Variants in ADGRB3 observed in about 807,000 individuals in gnomAD.
ADGRB3 encodes the protein brain-specific angiogenesis inhibitor 3.
In ADGRB3, 37 loss-of-function variants were observed where a neutral mutation model predicts 193.4. That is an observed-to-expected ratio of 0.19 (90% confidence interval 0.15 to 0.25). The LOEUF (loss-of-function observed/expected upper bound fraction) is 0.25, where lower values mean the gene tolerates loss of function less well. Ranked by LOEUF, ADGRB3 falls within the 10% of genes least tolerant of loss-of-function variation. ADGRB3 has a pLI of 1.00. For missense variants in ADGRB3, 1,637 were observed against 1,852.9 expected (o/e 0.88, Z 2.14); for synonymous variants, 690 against 644.2 (o/e 1.07, Z -1.08).
intron 15 of ADGRB3, among the ~76,000 whole-genome samples, chr6:69,058,928 T>C (rs965463893): frequency 1.3e-5 from 2 of 152,118 alleles, no homozygotes; most frequent in African/African-American, 4.8e-5. Context: ...GCTGTTGTTG[T>C]ATGGAGTGTT....
intron 3 of ADGRB3, among the ~76,000 whole-genome samples, chr6:68,670,484 A>C (rs1768925407): frequency 6.6e-6 from 1 of 151,950 alleles, no homozygotes; most frequent in South Asian, 2.1e-4. Context: ...TGTTCTGCAT[A>C]TGGATATCCA....
At chr6:68,724,530 T>G (rs191368111) in intron 3 of ADGRB3, among the ~76,000 whole-genome samples, 2 of 151,662 alleles carry the variant, frequency 1.3e-5, no homozygotes, top group Admixed American at 6.6e-5. Context: ...GCCCACAAAA[T>G]TTGTATTAGA....
intron 3 of ADGRB3, among the ~76,000 whole-genome samples, chr6:68,756,963 T>C (rs369877456): frequency 6.6e-6 from 1 of 152,148 alleles, no homozygotes; most frequent in South Asian, 2.1e-4. Context: ...GTGGCACTCC[T>C]TCACTTCCTC....
chr6:68,689,093 A>G (rs561488120), intron 3 of ADGRB3, among the ~76,000 whole-genome samples: 2 of 152,242 alleles, frequency 1.3e-5, no homozygotes, highest in East Asian at 3.9e-4. Flanking sequence ...AGGACCTTTT[A>G]CAGAGGTATG....
chr6:68,929,901 A>G (rs1190168564), intron 3 of ADGRB3, among the ~76,000 whole-genome samples: 2 of 152,026 alleles, frequency 1.3e-5, no homozygotes, highest in Non-Finnish European at 2.9e-5. Flanking sequence ...GCTAGAAACA[A>G]TAAATTTTAT....
At chr6:69,145,653 A>G (rs970769511) in intron 17 of ADGRB3, among the ~76,000 whole-genome samples, 1 of 152,062 alleles carries the variant, frequency 6.6e-6, no homozygotes, top group Non-Finnish European at 1.5e-5. Context: ...AGAAAGATGA[A>G]GAGTAGCTTT....
chr6:68,926,369 G>A lies in ADGRB3; in HGVS notation c.758-4190G>A, dbSNP rs62416446. Among the ~76,000 whole-genome samples, 488 of 152,210 alleles carry A rather than the reference G, an allele frequency of 3.2e-3. 1 individual carries two copies. Among genetic ancestry groups the A allele is most frequent in the Non-Finnish European group, 5.9e-3 (400 of 67,978 alleles). ...GAGGTTGTTTATGTTTAGTTAATGA[G>A]GAGACAGTTCATGGAGGTGGTGCCA... On this transcript the variant is annotated intron_variant, in intron 3 of 31. Coordinates refer to ENST00000370598, the MANE Select transcript of ADGRB3 (RefSeq NM_001704.3).
chr6:68,980,800 A>G (rs755087861), intron 10 of ADGRB3, among the ~76,000 whole-genome samples: 4 of 151,358 alleles, frequency 2.6e-5, no homozygotes, highest in Non-Finnish European at 5.9e-5. Context: ...TGCAAATTCT[A>G]TGTAATATAA....
At position 68,706,562 on chromosome 6, in the gene ADGRB3, G is replaced by T. The variant is rs1339641539; in HGVS notation, c.757+67130G>T. ...CCACGCTGCCTGTGTTCATATTCTG[G>T]CTCTGCCACTTACTAGCAATGTGAC... On this transcript the variant is annotated intron_variant, in intron 3 of 31. Transcript: ENST00000370598. 2.6e-5 allele frequency among the ~76,000 whole-genome samples: 4 copies of T among 152,148 alleles called. No individual in the cohort carries two copies. In the South Asian group the frequency reaches 8.3e-4, roughly 31 times the overall value.
intron 11 of ADGRB3, among the ~76,000 whole-genome samples, chr6:69,005,156 T>G (rs1160333034): frequency 6.6e-6 from 1 of 152,110 alleles, no homozygotes; most frequent in Non-Finnish European, 1.5e-5. Flanking sequence ...AAAAATCATA[T>G]TTAATGGTGT....
intron 3 of ADGRB3, among the ~76,000 whole-genome samples, chr6:68,831,877 C>T (rs1175248324): frequency 6.6e-6 from 1 of 152,114 alleles, no homozygotes; most frequent in African/African-American, 2.4e-5. Flanking sequence ...TGTTTCAGAT[C>T]ACTCCTAAAT....
chr6:69,268,579 CAT>C lies in ADGRB3; in HGVS notation c.2814+29355_2814+29356del, dbSNP rs60488746. Among the ~76,000 whole-genome samples, 946 of 152,268 alleles carry C rather than the reference CAT, an allele frequency of 6.2e-3. 10 individuals carry two copies. The highest frequency in any genetic ancestry group is 0.021 in the African/African-American group (865 of 41,570). ...TAAGGCATCTACACAAAAGTATTGACATACTCTGGCCTGGGGGCCTGAGCCCT... is the reference window on the plus strand; with the variant it reads ...TAAGGCATCTACACAAAAGTATTGACACTCTGGCCTGGGGGCCTGAGCCCT... On this transcript the variant is annotated intron_variant, in intron 20 of 31. Coordinates refer to ENST00000370598, the MANE Select transcript of ADGRB3 (RefSeq NM_001704.3).
chr6:69,060,109 C>A (rs1247945444), intron 15 of ADGRB3, among the ~76,000 whole-genome samples: 1 of 152,086 alleles, frequency 6.6e-6, no homozygotes, highest in African/African-American at 2.4e-5. Context: ...TATTAGCACA[C>A]TGATATGCAT....
intron 17 of ADGRB3, among the ~76,000 whole-genome samples, chr6:69,145,516 A>G (rs1007466210): frequency 1.3e-5 from 2 of 152,130 alleles, no homozygotes; most frequent in African/African-American, 4.8e-5. Flanking sequence ...ATTGCCTGCA[A>G]TGTGGTAAGC....
chr6:68,979,665 T>A (rs1218184153), intron 10 of ADGRB3, among the ~76,000 whole-genome samples: 1 of 151,482 alleles, frequency 6.6e-6, no homozygotes, highest in Non-Finnish European at 1.5e-5. Context: ...GTAAACATAA[T>A]TGCAGAATTC....
At chr6:68,978,217 G>T (rs1361575314) in intron 10 of ADGRB3, among the ~76,000 whole-genome samples, 1 of 151,316 alleles carries the variant, frequency 6.6e-6, no homozygotes, top group African/African-American at 2.4e-5. Context: ...GTTTCAATAA[G>T]AATAAAATTT....
At chr6:69,340,748 A>G (rs1768956532) in intron 26 of ADGRB3, among the ~76,000 whole-genome samples, 2 of 152,056 alleles carry the variant, frequency 1.3e-5, no homozygotes, top group South Asian at 4.1e-4. Context: ...TATTTCTCCT[A>G]ATGCCATCCC....
At position 69,285,499 on chromosome 6, in the gene ADGRB3, T is replaced by G. The variant is rs544699298; in HGVS notation, c.2815-39373T>G. Among the ~76,000 whole-genome samples, 462 of 152,052 alleles carry G rather than the reference T, an allele frequency of 3.0e-3. 2 individuals carry two copies. The highest frequency in any genetic ancestry group is 0.011 in the African/African-American group (437 of 41,478). On this transcript the variant is annotated intron_variant, in intron 20 of 31. Coordinates refer to ENST00000370598, the MANE Select transcript of ADGRB3 (RefSeq NM_001704.3). Reference sequence around the variant, plus strand: ...CAGCCTGGTCAACATGGTGAAACCCTGTCTCTACTAAAAATACAAAAATTA... The same window carrying G: ...CAGCCTGGTCAACATGGTGAAACCCGGTCTCTACTAAAAATACAAAAATTA...
intron 3 of ADGRB3, among the ~76,000 whole-genome samples, chr6:68,885,770 A>C (rs1422173204): frequency 1.3e-5 from 2 of 152,152 alleles, no homozygotes; most frequent in African/African-American, 2.4e-5. Flanking sequence ...TCCACTGTAG[A>C]CTTTGGAGTA....
Sources: gnomAD v4.1 joint callset for allele counts (sites outside exome capture counted in the v4.1 genomes callset) on GRCh38, gnomAD v4.1.1 for gene constraint, MANE v1.5 for transcripts, NCBI Gene and HGNC (gene_info 2026-07-23, HGNC 2026-07-21) for gene names.